The following BTBD7 variants were observed in gnomAD, a reference collection of about 807,000 sequenced individuals.
BTBD7 encodes the protein BTB domain containing 7, also known as BTB/POZ domain-containing protein 7.
BTBD7 carries 38 observed loss-of-function variants against 99.9 expected under a neutral mutation model. The ratio of observed to expected loss-of-function variants is 0.38; its 90% confidence interval spans 0.29 to 0.50. The LOEUF (loss-of-function observed/expected upper bound fraction) is 0.50. BTBD7 is among the 20% of genes least tolerant of loss of function. BTBD7 has a pLI of 0.93. For synonymous variants in BTBD7, 520 were observed against 511.4 expected (o/e 1.02, Z -0.23); for missense variants, 1,170 against 1,394.6 (o/e 0.84, Z 2.57).
chr14:93,248,383 G>A, intron 9 of BTBD7, 93 bp downstream of exon 9: 1 of 1,351,750 alleles, frequency 7.4e-7, no homozygotes, highest in Non-Finnish European at 1.0e-6. Flanking sequence ...ACGACGAAAA[G>A]GAAATAAGCC....
chr14:93,250,613 GTTTTT>G (rs2052359113), intron 8 of BTBD7, among the ~76,000 whole-genome samples: 2 of 152,142 alleles, frequency 1.3e-5, no homozygotes, highest in Non-Finnish European at 2.9e-5. Context: ...TAGTGTGCTG[GTTTTT>G]ATTTTGAATC....
intron 8 of BTBD7, among the ~76,000 whole-genome samples, chr14:93,250,777 A>G (rs1054581608): frequency 8.5e-5 from 13 of 152,210 alleles, no homozygotes; most frequent in African/African-American, 2.9e-4. Flanking sequence ...CAATTCCCCT[A>G]AAGTCGTAAG....
At chr14:93,308,144 G>A (rs986874534) in intron 1 of BTBD7, among the ~76,000 whole-genome samples, 2 of 152,044 alleles carry the variant, frequency 1.3e-5, no homozygotes, top group African/African-American at 2.4e-5. Context: ...TATATTAGCC[G>A]GGTGTGGTGG....
chr14:93,295,945 T>C (rs2052920867), intron 2 of BTBD7, 25 bp downstream of exon 2: 2 of 1,608,772 alleles, frequency 1.2e-6, no homozygotes, highest in African/African-American at 1.3e-5. Flanking sequence ...CAAAAGAAAA[T>C]GAAGTTAGAA....
intron 6 of BTBD7, chr14:93,255,934 G>A (rs1222286438): frequency 6.6e-6 from 1 of 152,036 alleles, no homozygotes; most frequent in African/African-American, 2.4e-5. Flanking sequence ...ATTAGTGAGG[G>A]TGAATTTTTT....
At chr14:93,320,150 G>C (rs1000141765) in intron 1 of BTBD7, among the ~76,000 whole-genome samples, 1 of 152,154 alleles carries the variant, frequency 6.6e-6, no homozygotes, top group African/African-American at 2.4e-5. Flanking sequence ...AGAGAGGCAG[G>C]AAGTCTGAAA....
At position 93,239,764 on chromosome 14, in the gene BTBD7, A is replaced by G. The variant is rs1389229462; in HGVS notation, c.*2509T>C. Reference sequence around the variant, plus strand: ...TAAAAGCAAACTTTATAAACTAAATAATCTTAGGAATAGTGGCCACTTACT... The same window carrying G: ...TAAAAGCAAACTTTATAAACTAAATGATCTTAGGAATAGTGGCCACTTACT... On this transcript the variant is annotated 3_prime_UTR_variant, in exon 11 of 11. Coordinates refer to ENST00000334746, the MANE Select transcript of BTBD7 (RefSeq NM_001002860.4). 1 of 152,516 alleles carries G rather than the reference A, an allele frequency of 6.6e-6. No homozygotes were observed. The highest frequency in any genetic ancestry group is 1.5e-5 in the Non-Finnish European group (1 of 68,036). The allele number at this position is 152,516 out of a possible 1,614,324, so 9.4% of individuals were successfully genotyped here.
rs528848376 is a variant in BTBD7, at chr14:93,284,563, C to T, written c.1162+9295G>A. On this transcript the variant is annotated intron_variant, in intron 3 of 10. Coordinates refer to ENST00000334746, the MANE Select transcript of BTBD7 (RefSeq NM_001002860.4). ...TAAGAATAAAGCAGTGTGCTAGGTTCTCAGGTTATTCAAAGATGACCAAGA... is the reference window on the plus strand; with the variant it reads ...TAAGAATAAAGCAGTGTGCTAGGTTTTCAGGTTATTCAAAGATGACCAAGA... Among the ~76,000 whole-genome samples, 124 of 151,822 alleles carry T rather than the reference C, an allele frequency of 8.2e-4. 1 individual carries two copies. Among genetic ancestry groups the T allele is most frequent in the African/African-American group, 2.9e-3 (118 of 41,360 alleles).
intron 3 of BTBD7, among the ~76,000 whole-genome samples, chr14:93,292,620 T>C (rs992939013): frequency 1.2e-4 from 18 of 152,212 alleles, no homozygotes; most frequent in Non-Finnish European, 2.4e-4. Flanking sequence ...CAACGCCTTC[T>C]TCTGTGTAAG....
At chr14:93,270,521 A>C (rs982912093) in intron 3 of BTBD7, among the ~76,000 whole-genome samples, 5 of 151,992 alleles carry the variant, frequency 3.3e-5, no homozygotes, top group Non-Finnish European at 5.9e-5. Flanking sequence ...GGCGAAACCC[A>C]GTCTCTACTA....
intron 3 of BTBD7, 149 bp from the exon 4 acceptor site, chr14:93,264,142 G>A (rs2052518265): frequency 1.4e-6 from 1 of 701,214 alleles, no homozygotes; most frequent in African/African-American, 1.8e-5. Flanking sequence ...AAGACTTGGT[G>A]GGATGGGTAA....
chr14:93,303,589 G>C (rs1429156176), intron 1 of BTBD7, among the ~76,000 whole-genome samples: 1 of 152,200 alleles, frequency 6.6e-6, no homozygotes, highest in Non-Finnish European at 1.5e-5. Context: ...CATCTTAAAA[G>C]ATGTTAAAAT....
At chr14:93,280,870 A>C (rs979719826) in intron 3 of BTBD7, among the ~76,000 whole-genome samples, 3 of 149,256 alleles carry the variant, frequency 2.0e-5, no homozygotes, top group Non-Finnish European at 4.4e-5. Context: ...TTTTTGAAAC[A>C]GATCTTACTC....
chr14:93,295,041 A>T, intron 2 of BTBD7, 104 bp from the exon 3 acceptor site: 2 of 1,126,100 alleles, frequency 1.8e-6, no homozygotes, highest in Non-Finnish European at 2.4e-6. Flanking sequence ...ACATTACCGA[A>T]CCACTCAAAA....
rs181537489 is a variant in BTBD7, at chr14:93,265,014, G to A, written c.1163-1021C>T. ...TAAGGCAGGAGAATCACTTGAACTC[G>A]AGAGGCGGAGGTTGCAGTGAGCTGA... On this transcript the variant is annotated intron_variant, in intron 3 of 10. Transcript: ENST00000334746. 7.1e-4 allele frequency among the ~76,000 whole-genome samples: 108 copies of A among 152,250 alleles called. 1 individual carries two copies. The highest frequency in any genetic ancestry group is 2.9e-4 in the African/African-American group (12 of 41,536).
Position 93,296,057 on chromosome 14 carries a change from TCAG to T in BTBD7, c.-9_-7del, listed in dbSNP as rs1380434483. The T allele has an allele frequency of 6.2e-7, 1 of 1,613,370 alleles. No homozygotes were observed. ...TTAGATGCATTAGCACCCATTTTCT[TCAG>T]TCACTCAGGCATTCCGTCTGCGGGT... On this transcript the variant is annotated 5_prime_UTR_variant, in exon 2 of 11. It removes the in-frame stop codon of an upstream open reading frame in the 5' UTR. Transcript: ENST00000334746.
At chr14:93,293,733 G>C in intron 3 of BTBD7, 125 bp downstream of exon 3, 2 of 1,225,896 alleles carry the variant, frequency 1.6e-6, no homozygotes, top group East Asian at 5.0e-5. Flanking sequence ...CATAACTGAA[G>C]GTTCAAAAAA....
chr14:93,245,731 C>T, intron 10 of BTBD7, 94 bp downstream of exon 10: 1 of 1,525,290 alleles, frequency 6.6e-7, no homozygotes, highest in Non-Finnish European at 8.7e-7. Flanking sequence ...CTTCTGGGCA[C>T]TGCTGAGTCC....
chr14:93,247,432 C>G (rs144632374), intron 9 of BTBD7, among the ~76,000 whole-genome samples: 1 of 152,272 alleles, frequency 6.6e-6, no homozygotes, highest in Non-Finnish European at 1.5e-5. Flanking sequence ...ACAGCAAACT[C>G]GGCCTCCCAG....
Sources: allele counts gnomAD v4.1 joint callset (sites outside exome capture counted in the v4.1 genomes callset), GRCh38; gene constraint gnomAD v4.1.1; transcripts MANE v1.5; gene names NCBI Gene and HGNC (gene_info 2026-07-23, HGNC 2026-07-21).